The following ABRACL variants were observed in gnomAD, a reference collection of about 807,000 sequenced individuals.
ABRACL encodes ABRA C-terminal like.
In ABRACL, 4 loss-of-function variants were observed where a neutral mutation model predicts 7.0. The observed-to-expected ratio is 0.57, with a 90% CI of 0.28 to 1.30. The LOEUF (loss-of-function observed/expected upper bound fraction) is 1.30. Ranked by LOEUF, ABRACL falls within the 50% of genes most tolerant of loss-of-function variation. The probability of loss-of-function intolerance (pLI) is 0.10; values close to 1 mark genes in which losing one functional copy is unlikely to be tolerated. For missense variants in ABRACL, 104 were observed against 97.3 expected, an observed-to-expected ratio of 1.07 and a Z score of -0.29; for synonymous variants, 30 against 36.0, an observed-to-expected ratio of 0.83 and a Z score of 0.60.
intron 2 of ABRACL, among the ~76,000 whole-genome samples, chr6:139,041,902 G>A (rs542909820): frequency 1.3e-5 from 2 of 152,204 alleles, no homozygotes; most frequent in South Asian, 4.1e-4. Flanking sequence ...GTTCTAGCCA[G>A]GGAGCATGGG....
At chr6:139,030,465 C>A (rs1395378804) in intron 1 of ABRACL, among the ~76,000 whole-genome samples, 1 of 152,184 alleles carries the variant, frequency 6.6e-6, no homozygotes, top group Non-Finnish European at 1.5e-5. Context: ...TCCTGGGATT[C>A]TGTCCTTATT....
At chr6:139,038,183 T>G (rs1786193165) in intron 2 of ABRACL, among the ~76,000 whole-genome samples, 1 of 152,250 alleles carries the variant, frequency 6.6e-6, no homozygotes, top group African/African-American at 2.4e-5. Flanking sequence ...ATTGGTCATA[T>G]TCAATTAGTT....
intron 1 of ABRACL, among the ~76,000 whole-genome samples, chr6:139,029,605 G>A (rs1786048428): frequency 6.6e-6 from 1 of 152,176 alleles, no homozygotes; most frequent in Admixed American, 6.5e-5. Flanking sequence ...CGGTGACCGT[G>A]TGATGATGGG....
At chr6:139,034,474 T>C in intron 2 of ABRACL, 1 of 1,412,154 alleles carries the variant, frequency 7.1e-7, no homozygotes, top group African/African-American at 1.4e-5. Flanking sequence ...GAAAGCAAAT[T>C]ACCAAGCTTC....
chr6:139,034,267 G>C (rs1177561145), intron 2 of ABRACL, 46 bp downstream of exon 2: 6 of 1,614,122 alleles, frequency 3.7e-6, no homozygotes, highest in Non-Finnish European at 5.1e-6. Context: ...CTTTACCTTG[G>C]AACAGGTGAG....
intron 2 of ABRACL, among the ~76,000 whole-genome samples, chr6:139,042,068 G>A (rs1350703179): frequency 6.6e-6 from 1 of 151,840 alleles, no homozygotes; most frequent in Non-Finnish European, 1.5e-5. Flanking sequence ...CCCAAGGATA[G>A]GGAGGTGTCT....
chr6:139,034,084 G>A (rs1192115253), intron 1 of ABRACL, 71 bp from the exon 2 acceptor site: 8 of 1,590,664 alleles, frequency 5.0e-6, no homozygotes, highest in African/African-American at 1.3e-5. Flanking sequence ...CAAGACAAAG[G>A]GCTCTTGGAT....
chr6:139,041,838 T>A (rs7764219), intron 2 of ABRACL, among the ~76,000 whole-genome samples: 14,917 of 152,148 alleles, frequency 0.098, 815 homozygotes, highest in Non-Finnish European at 0.12. Flanking sequence ...CTGCCCCTAG[T>A]GTCTAACACA....
Position 139,034,150 on chromosome 6 carries a change from C to T in ABRACL, c.-6-5C>T. On this transcript the variant is annotated splice_region_variant and splice_polypyrimidine_tract_variant and intron_variant, in intron 1 of 2. Coordinates refer to ENST00000367660, the MANE Select transcript of ABRACL (RefSeq NM_021243.3). ...TAATTTAGACTTCCTTTTTTTCTCTCCCAGGCAGCAATGAATGTGGATCAC... is the reference window on the plus strand; with the variant it reads ...TAATTTAGACTTCCTTTTTTTCTCTTCCAGGCAGCAATGAATGTGGATCAC... 6.2e-7 allele frequency: 1 copy of T among 1,613,542 alleles called. No individual in the cohort carries two copies. Among genetic ancestry groups the T allele is most frequent in the Non-Finnish European group, 8.5e-7 (1 of 1,179,860 alleles).
chr6:139,041,093 A>G (rs544884545), intron 2 of ABRACL, among the ~76,000 whole-genome samples: 2 of 152,190 alleles, frequency 1.3e-5, no homozygotes, highest in African/African-American at 4.8e-5. Context: ...TTAGGTTTTT[A>G]AAAAGCTCAT....
chr6:139,042,648 T>G, intron 2 of ABRACL, 71 bp from the exon 3 acceptor site: 1 of 1,410,364 alleles, frequency 7.1e-7, no homozygotes, highest in Middle Eastern at 1.8e-4. Flanking sequence ...ATTAAAGATT[T>G]TGTAAGTCTT....
intron 2 of ABRACL, among the ~76,000 whole-genome samples, chr6:139,036,622 G>T (rs1786159933): frequency 6.6e-6 from 1 of 152,164 alleles, no homozygotes; most frequent in South Asian, 2.1e-4. Flanking sequence ...TAATAACTGT[G>T]TAGTACAAGT....
chr6:139,042,800 G>C lies in ABRACL; in HGVS notation c.143G>C (p.Gly48Ala). 6.2e-7 allele frequency: 1 copy of C among 1,614,030 alleles called. No individual in the cohort carries two copies. Among genetic ancestry groups the C allele is most frequent in the Non-Finnish European group, 8.5e-7 (1 of 1,179,978 alleles). Residue 48 changes from glycine to alanine, a missense_variant, in exon 3 of 3, where the codon GGA becomes GCA. Coordinates refer to ENST00000367660, the MANE Select transcript of ABRACL (RefSeq NM_021243.3). The stretch of plus-strand genomic sequence containing the variant: ...GCCAACCTCTTTGAAGCATTGGTAG[G>C]AACTCTTAAAGCTGCAAAACGAAGG... ...KCANLFEALV[G>A]TLKAAKRRKI...
At chr6:139,029,073 C>T (rs547903381) in intron 1 of ABRACL, among the ~76,000 whole-genome samples, 198 bp downstream of exon 1, 17 of 150,400 alleles carry the variant, frequency 1.1e-4, no homozygotes, top group Admixed American at 9.3e-4. Flanking sequence ...GCCGCCCACG[C>T]CCCCACCTCT....
intron 2 of ABRACL, among the ~76,000 whole-genome samples, chr6:139,039,080 T>G (rs1426973540): frequency 6.6e-6 from 1 of 151,984 alleles, no homozygotes. Context: ...AAAAATTAGC[T>G]GGGCCTCGTG....
At chr6:139,030,890 A>G (rs1786072818) in intron 1 of ABRACL, among the ~76,000 whole-genome samples, 1 of 152,240 alleles carries the variant, frequency 6.6e-6, no homozygotes, top group Non-Finnish European at 1.5e-5. Context: ...AACGTAGATA[A>G]GGAGCCTGAT....
Position 139,043,119 on chromosome 6 carries a change from T to C in ABRACL, c.*216T>C. 1 of 356,320 alleles carries C rather than the reference T, an allele frequency of 2.8e-6. No individual in the cohort carries two copies. The highest frequency in any genetic ancestry group is 4.9e-6 in the Non-Finnish European group (1 of 204,900). 22.1% of individuals were successfully genotyped at this position (356,320 alleles called of 1,614,324 possible). The stretch of plus-strand genomic sequence containing the variant: ...AATCCTATTATTTTTCTCAGGAATC[T>C]GGTTAGGAATTGCAGGCAATGAGAT... On this transcript the variant is annotated 3_prime_UTR_variant, in exon 3 of 3. Coordinates refer to ENST00000367660, the MANE Select transcript of ABRACL (RefSeq NM_021243.3).
At chr6:139,042,477 T>C (rs1786267279) in intron 2 of ABRACL, among the ~76,000 whole-genome samples, 1 of 152,256 alleles carries the variant, frequency 6.6e-6, no homozygotes, top group Non-Finnish European at 1.5e-5. Context: ...ATTCAACTTT[T>C]GTAAATGTTG....
intron 2 of ABRACL, chr6:139,034,582 AT>A: frequency 1.7e-6 from 1 of 603,434 alleles, no homozygotes. Context: ...TTCTGCCATC[AT>A]TTTACAAACT....
Sources: allele counts gnomAD v4.1 joint callset (sites outside exome capture counted in the v4.1 genomes callset), GRCh38; gene constraint gnomAD v4.1.1; transcripts MANE v1.5; gene names NCBI Gene and HGNC (gene_info 2026-07-23, HGNC 2026-07-21).